The following BICD1 variants were observed in gnomAD, a reference collection of about 807,000 sequenced individuals.
The protein encoded by BICD1 is protein bicaudal D homolog 1.
Under a neutral mutation model 92.5 loss-of-function variants are expected in BICD1, and 35 were observed. That is an observed-to-expected ratio of 0.38 (90% CI 0.29 to 0.50). BICD1 has a LOEUF of 0.50. Ranked by LOEUF, BICD1 falls within the 20% of genes least tolerant of loss-of-function variation. The pLI, the probability that BICD1 is intolerant of heterozygous loss-of-function variation, is 0.93. For synonymous variants in BICD1, 429 were observed against 465.1 expected (o/e 0.92, Z 1.00); for missense variants, 950 against 1,189.8 (o/e 0.80, Z 2.97).
intron 1 of BICD1, among the ~76,000 whole-genome samples, chr12:32,134,612 G>A (rs905295054): frequency 7.9e-5 from 12 of 152,340 alleles, no homozygotes; most frequent in East Asian, 3.9e-4. Flanking sequence ...TGGTAGGGAT[G>A]TCAAGGAAGT....
chr12:32,339,371 A>G (rs1938269052), intron 8 of BICD1: 2 of 991,366 alleles, frequency 2.0e-6, no homozygotes, highest in Non-Finnish European at 2.4e-6. Flanking sequence ...GGAGAGCCAT[A>G]TGTATAACAA....
chr12:32,352,287 C>T (rs968470917), intron 8 of BICD1: 3 of 151,736 alleles, frequency 2.0e-5, no homozygotes, highest in African/African-American at 7.3e-5. Flanking sequence ...AATCCCAGCA[C>T]TTTGGGAGGC....
intron 1 of BICD1, among the ~76,000 whole-genome samples, chr12:32,194,994 A>T (rs1944686923): frequency 6.6e-6 from 1 of 151,214 alleles, no homozygotes; most frequent in Non-Finnish European, 1.5e-5. Flanking sequence ...AAGAAATTGA[A>T]GGCTGGGGCA....
At chr12:32,244,076 T>TTTTTTTTTTTTTTTTTTTTTTTTTTTA (rs1565613579) in intron 2 of BICD1, among the ~76,000 whole-genome samples, 4 of 152,232 alleles carry the variant, frequency 2.6e-5, no homozygotes, top group Admixed American at 6.5e-5. Flanking sequence ...ACTCATTCTT[T>TTTTTTTTTTTTTTTTTTTTTTTTTTTA]ATCTGCTATT....
chr12:32,306,826 C>T (rs931868889), intron 4 of BICD1, among the ~76,000 whole-genome samples: 3 of 151,520 alleles, frequency 2.0e-5, no homozygotes, highest in Admixed American at 6.6e-5. Context: ...ACCAACCTGG[C>T]CAACATGGTA....
At chr12:32,332,041 A>G (rs1937898592) in intron 5 of BICD1, among the ~76,000 whole-genome samples, 1 of 152,178 alleles carries the variant, frequency 6.6e-6, no homozygotes, top group Admixed American at 6.5e-5. Context: ...CAGCCATAAG[A>G]AAGAAAAGAA....
intron 1 of BICD1, among the ~76,000 whole-genome samples, chr12:32,193,446 A>G (rs59825168): frequency 1.3e-5 from 2 of 152,340 alleles, no homozygotes; most frequent in South Asian, 2.1e-4. Flanking sequence ...AAACCAAAAA[A>G]TGGATGTGAC....
intron 1 of BICD1, among the ~76,000 whole-genome samples, chr12:32,161,039 C>T (rs928947223): frequency 1.2e-4 from 18 of 152,158 alleles, no homozygotes; most frequent in African/African-American, 4.1e-4. Context: ...CTTAATGACA[C>T]ACTAATATCT....
At chr12:32,114,933 T>C (rs1387096398) in intron 1 of BICD1, among the ~76,000 whole-genome samples, 1 of 152,246 alleles carries the variant, frequency 6.6e-6, no homozygotes, top group East Asian at 1.9e-4. Flanking sequence ...TCCTCACTGC[T>C]CACTGACTAA....
In BICD1 at chr12:32,347,466, C is replaced by T. The variant is rs539875089; in HGVS notation, c.2764+8487C>T. ...CATCCTGGCCAACATGGTGAAACCC[C>T]GTCTCTACTAAAAATACAAAAATTA... On this transcript the variant is annotated intron_variant, in intron 8 of 9. Coordinates refer to ENST00000652176, the MANE Select transcript of BICD1 (RefSeq NM_001714.4). 2.7e-3 allele frequency among the ~76,000 whole-genome samples: 401 copies of T among 150,866 alleles called. 1 individual carries two copies. Among genetic ancestry groups the T allele is most frequent in the African/African-American group, 9.2e-3 (379 of 41,150 alleles).
intron 1 of BICD1, among the ~76,000 whole-genome samples, chr12:32,170,473 A>G (rs1565562073): frequency 6.6e-6 from 1 of 152,232 alleles, no homozygotes; most frequent in Non-Finnish European, 1.5e-5. Flanking sequence ...ACCTTCTACA[A>G]CAATATTATT....
chr12:32,129,547 A>AT (rs1565535183), intron 1 of BICD1, among the ~76,000 whole-genome samples: 2 of 144,424 alleles, frequency 1.4e-5, no homozygotes, highest in African/African-American at 5.1e-5. Flanking sequence ...AAAAAAAAAA[A>AT]TTCTGTAAAC....
chr12:32,286,050 A>G (rs967796950), intron 2 of BICD1, among the ~76,000 whole-genome samples: 23 of 152,300 alleles, frequency 1.5e-4, no homozygotes, highest in African/African-American at 5.5e-4. Flanking sequence ...TTTCAGCTTA[A>G]CCAGTGTTGC....
intron 5 of BICD1, among the ~76,000 whole-genome samples, chr12:32,329,738 G>C (rs1041306578): frequency 1.3e-5 from 2 of 152,154 alleles, no homozygotes; most frequent in African/African-American, 4.8e-5. Context: ...TTGTCCTTCT[G>C]GACAAGTAGT....
intron 3 of BICD1, among the ~76,000 whole-genome samples, chr12:32,303,556 TA>T (rs1486873776): frequency 4.7e-4 from 71 of 152,286 alleles, no homozygotes; most frequent in African/African-American, 1.7e-3. Flanking sequence ...CAATGATATA[TA>T]ACAAGTGATG....
At chr12:32,172,122 C>T (rs553001423) in intron 1 of BICD1, among the ~76,000 whole-genome samples, 2 of 152,290 alleles carry the variant, frequency 1.3e-5, no homozygotes, top group East Asian at 3.9e-4. Flanking sequence ...CGAATGCACA[C>T]ATTGCTGTCT....
chr12:32,295,742 C>T (rs1592628049), intron 3 of BICD1, among the ~76,000 whole-genome samples: 2 of 151,808 alleles, frequency 1.3e-5, no homozygotes. Flanking sequence ...CAACCTCCAC[C>T]TCCTGGTTCA....
rs1298137177 is a variant in BICD1, at chr12:32,130,335, C to T, written c.213+22791C>T. ...TCTCCTGCCTCAGCCTCCCAAGTAG[C>T]TGGGACTACAGGCGCCTGCCACCGC... On this transcript the variant is annotated intron_variant, in intron 1 of 9. Transcript: ENST00000652176. 2.0e-5 allele frequency among the ~76,000 whole-genome samples: 3 copies of T among 152,164 alleles called. No individual in the cohort carries two copies. In the East Asian group the frequency reaches 5.8e-4, roughly 29 times the overall value.
chr12:32,212,763 A>C (rs1428331791), intron 1 of BICD1, among the ~76,000 whole-genome samples: 1 of 152,212 alleles, frequency 6.6e-6, no homozygotes, highest in East Asian at 1.9e-4. Flanking sequence ...TAAAATCACA[A>C]GTTATGCCAG....
Sources: allele counts gnomAD v4.1 joint callset (sites outside exome capture counted in the v4.1 genomes callset), GRCh38; gene constraint gnomAD v4.1.1; transcripts MANE v1.5; gene names NCBI Gene and HGNC (gene_info 2026-07-23, HGNC 2026-07-21).